SUPT3H: variants seen among roughly 807,000 people sequenced by gnomAD.
SUPT3H encodes the protein transcription initiation protein SPT3 homolog.
Under a neutral mutation model 44.3 loss-of-function variants are expected in SUPT3H, and 44 were observed. That is an observed-to-expected ratio of 0.99 (90% CI 0.78 to 1.28). The LOEUF is 1.28. SUPT3H is among the 50% of genes most tolerant of loss of function. The pLI is 0.00. For synonymous variants in SUPT3H, 124 were observed against 125.6 expected, an observed-to-expected ratio of 0.99 and a Z score of 0.09; for missense variants, 380 against 387.1, an observed-to-expected ratio of 0.98 and a Z score of 0.15.
chr6:44,812,463 T>A (rs560192915), intron 11 of SUPT3H, among the ~76,000 whole-genome samples: 3 of 152,248 alleles, frequency 2.0e-5, no homozygotes, highest in Non-Finnish European at 4.4e-5. Flanking sequence ...TAAGAGCTCA[T>A]GTGATTAGAC....
At chr6:45,263,587 A>C (rs1359419831) in intron 2 of SUPT3H, among the ~76,000 whole-genome samples, 1 of 152,132 alleles carries the variant, frequency 6.6e-6, no homozygotes, top group Non-Finnish European at 1.5e-5. Flanking sequence ...AGTAACATGC[A>C]ATTTACCCAC....
intron 10 of SUPT3H, among the ~76,000 whole-genome samples, chr6:44,877,163 C>T (rs1212610152): frequency 6.6e-6 from 1 of 152,086 alleles, no homozygotes; most frequent in Non-Finnish European, 1.5e-5. Flanking sequence ...ATTTTAATGG[C>T]TACTTAATAT....
In SUPT3H at chr6:45,129,159, T is replaced by C. The variant is rs554448278; in HGVS notation, c.102-23153A>G. On this transcript the variant is annotated intron_variant, in intron 2 of 10. Coordinates refer to ENST00000371459, the MANE Select transcript of SUPT3H (RefSeq NM_003599.4). The stretch of plus-strand genomic sequence containing the variant: ...TCAAGTTTTATAGAGCAGAAAACCA[T>C]TAATAGGGCTCATCTGAATTGCCCT... 6.9e-4 allele frequency among the ~76,000 whole-genome samples: 105 copies of C among 152,334 alleles called. No individual in the cohort carries two copies. The South Asian group carries it at 7.9e-3, about 11-fold the overall frequency.
At chr6:45,217,881 C>T (rs1436316558) in intron 2 of SUPT3H, among the ~76,000 whole-genome samples, 1 of 145,964 alleles carries the variant, frequency 6.9e-6, no homozygotes, top group Non-Finnish European at 1.5e-5. Context: ...CAGAGCAAGA[C>T]TCTGTCTCAA....
At chr6:45,109,863 C>T (rs577577218) in intron 2 of SUPT3H, among the ~76,000 whole-genome samples, 159 of 152,228 alleles carry the variant, frequency 1.0e-3, no homozygotes, top group African/African-American at 3.6e-3. Flanking sequence ...GACCTATCTC[C>T]CAGTGCTCTG....
chr6:45,357,366 T>G (rs1793420488), intron 2 of SUPT3H, among the ~76,000 whole-genome samples: 1 of 152,166 alleles, frequency 6.6e-6, no homozygotes, highest in African/African-American at 2.4e-5. Flanking sequence ...AGTCTCACTC[T>G]GTTACCCAGG....
At chr6:45,261,136 A>G (rs1356025836) in intron 2 of SUPT3H, among the ~76,000 whole-genome samples, 1 of 150,548 alleles carries the variant, frequency 6.6e-6, no homozygotes, top group Admixed American at 6.6e-5. Flanking sequence ...CCTACTAGAC[A>G]TACAAAGAAG....
chr6:44,945,397 A>C (rs1773178165), intron 9 of SUPT3H, among the ~76,000 whole-genome samples: 1 of 152,196 alleles, frequency 6.6e-6, no homozygotes, highest in African/African-American at 2.4e-5. Context: ...TTAGTGAAGG[A>C]GGCATGTTGA....
intron 2 of SUPT3H, among the ~76,000 whole-genome samples, chr6:45,176,924 AG>A (rs1296254700): frequency 1.2e-4 from 18 of 152,164 alleles, no homozygotes; most frequent in African/African-American, 4.3e-4. Flanking sequence ...TCTGTACATC[AG>A]CATCATCAAA....
At chr6:45,218,776 T>A (rs929680168) in intron 2 of SUPT3H, among the ~76,000 whole-genome samples, 1 of 151,850 alleles carries the variant, frequency 6.6e-6, no homozygotes, top group African/African-American at 2.4e-5. Context: ...ATATAGAAAA[T>A]CTGAACAACA....
intron 10 of SUPT3H, among the ~76,000 whole-genome samples, chr6:44,908,854 G>A (rs1218139509): frequency 6.6e-6 from 1 of 152,058 alleles, no homozygotes; most frequent in East Asian, 1.9e-4. Context: ...CTTACTCTGA[G>A]CTAATATTGT....
At chr6:45,252,714 T>G (rs1772594662) in intron 2 of SUPT3H, among the ~76,000 whole-genome samples, 1 of 152,182 alleles carries the variant, frequency 6.6e-6, no homozygotes, top group South Asian at 2.1e-4. Context: ...TGAAGTTTAT[T>G]CATTCATTAA....
intron 2 of SUPT3H, among the ~76,000 whole-genome samples, chr6:45,139,483 C>A (rs1804824525): frequency 6.6e-6 from 1 of 152,078 alleles, no homozygotes; most frequent in African/African-American, 2.4e-5. Flanking sequence ...CAGCAACATA[C>A]CAGAAAAACT....
chr6:45,047,651 T>TA (rs2153533952), intron 3 of SUPT3H, among the ~76,000 whole-genome samples: 1 of 152,270 alleles, frequency 6.6e-6, no homozygotes, highest in East Asian at 1.9e-4. Context: ...TATTTTTAAT[T>TA]TTTTTAAGGA....
intron 3 of SUPT3H, among the ~76,000 whole-genome samples, chr6:45,069,475 T>C (rs1243538405): frequency 6.6e-6 from 1 of 152,180 alleles, no homozygotes; most frequent in African/African-American, 2.4e-5. Flanking sequence ...CTTAGATTTA[T>C]AGGCCCCTAT....
At chr6:45,037,949 T>G (rs1006309012) in intron 3 of SUPT3H, among the ~76,000 whole-genome samples, 7 of 152,168 alleles carry the variant, frequency 4.6e-5, no homozygotes, top group African/African-American at 1.7e-4. Context: ...CAATTAATGC[T>G]TTTAAACTAT....
At chr6:45,234,393 T>C (rs1332119267) in intron 2 of SUPT3H, among the ~76,000 whole-genome samples, 2 of 151,906 alleles carry the variant, frequency 1.3e-5, no homozygotes, top group Admixed American at 6.6e-5. Flanking sequence ...CAGCTGGGCA[T>C]GGTGGTGGGC....
chr6:45,214,915 T>C lies in SUPT3H; in HGVS notation c.102-108909A>G, dbSNP rs567971913. Among the ~76,000 whole-genome samples the C allele has an allele frequency of 2.5e-3, 377 of 152,148 alleles. 2 individuals are homozygous for C. The highest frequency in any genetic ancestry group is 8.2e-3 in the African/African-American group (339 of 41,508). ...GTCGGCACTCCATGCCCCTTCCTAG[T>C]GATACTACCTCTGCAACCAGCAGAG... On this transcript the variant is annotated intron_variant, in intron 2 of 10. Coordinates refer to ENST00000371459, the MANE Select transcript of SUPT3H (RefSeq NM_003599.4).
chr6:45,329,156 G>A (rs1485124462), intron 2 of SUPT3H, among the ~76,000 whole-genome samples: 5 of 151,890 alleles, frequency 3.3e-5, no homozygotes, highest in East Asian at 1.9e-4. Flanking sequence ...TATTGACTCC[G>A]GCAGCTCCCA....
Sources: allele counts gnomAD v4.1 joint callset (sites outside exome capture counted in the v4.1 genomes callset), GRCh38; gene constraint gnomAD v4.1.1; transcripts MANE v1.5; gene names NCBI Gene and HGNC (gene_info 2026-07-23, HGNC 2026-07-21).